POLD3: variants seen among roughly 807,000 people sequenced by gnomAD.
POLD3 encodes DNA polymerase delta 3, accessory subunit, also known as DNA polymerase delta subunit 3.
A neutral mutation model predicts 58.2 loss-of-function variants in POLD3; 19 were observed. That is an observed-to-expected ratio of 0.33 (90% CI 0.23 to 0.48). The LOEUF (loss-of-function observed/expected upper bound fraction) is 0.48, where lower values mean the gene tolerates loss of function less well. Among genes scored for constraint, POLD3 ranks in the 20% least tolerant of loss-of-function variants. POLD3 has a pLI of 0.99. For synonymous variants in POLD3, 172 were observed against 193.5 expected (o/e 0.89, Z 0.92); for missense variants, 504 against 545.5 (o/e 0.92, Z 0.76).
At chr11:74,665,391 A>ATTGTT (rs1343610341) in intron 4 of POLD3, among the ~76,000 whole-genome samples, 1 of 83,308 alleles carries the variant, frequency 1.2e-5, no homozygotes, top group Non-Finnish European at 2.1e-5. Context: ...CCCTTTTATA[A>ATTGTT]TTTTTTTTTT....
intron 4 of POLD3, among the ~76,000 whole-genome samples, chr11:74,658,946 C>A (rs1335922759): frequency 6.6e-6 from 1 of 152,206 alleles, no homozygotes; most frequent in Non-Finnish European, 1.5e-5. Flanking sequence ...CTTCTCACAG[C>A]TCCACTAGGC....
chr11:74,592,929 T>G, intron 1 of POLD3: 1 of 1,407,022 alleles, frequency 7.1e-7, no homozygotes, highest in African/African-American at 1.5e-5. Flanking sequence ...CCGCGTCCCT[T>G]GGGTGGGCGT....
intron 9 of POLD3, among the ~76,000 whole-genome samples, chr11:74,631,992 C>G (rs887087885): frequency 6.6e-6 from 1 of 151,934 alleles, no homozygotes; most frequent in Admixed American, 6.6e-5. Context: ...ACTATATACT[C>G]TCTTTTTAAA....
At chr11:74,661,694 C>G (rs1352961233) in intron 4 of POLD3, among the ~76,000 whole-genome samples, 1 of 152,194 alleles carries the variant, frequency 6.6e-6, no homozygotes. Context: ...CTAGCTTTCA[C>G]CTATGTTCAC....
chr11:74,631,972 C>T (rs563016229), intron 9 of POLD3, among the ~76,000 whole-genome samples: 1 of 152,160 alleles, frequency 6.6e-6, no homozygotes, highest in East Asian at 1.9e-4. Flanking sequence ...GGGTCATAAG[C>T]ACCTGTAGTA....
At chr11:74,652,376 T>C (rs1438576028) in intron 4 of POLD3, among the ~76,000 whole-genome samples, 1 of 152,228 alleles carries the variant, frequency 6.6e-6, no homozygotes, top group Admixed American at 6.5e-5. Flanking sequence ...TCATACATAT[T>C]GCCAACTTGT....
intron 7 of POLD3, among the ~76,000 whole-genome samples, chr11:74,622,958 A>G (rs1383757148): frequency 6.6e-6 from 1 of 152,248 alleles, no homozygotes; most frequent in Non-Finnish European, 1.5e-5. Flanking sequence ...TGATGAATGG[A>G]TAAACAAAGG....
In POLD3 at chr11:74,592,631, TAG is replaced by T; in HGVS notation, c.-25_-24del. 1 of 1,595,326 alleles carries T rather than the reference TAG, an allele frequency of 6.3e-7. No homozygotes were observed. The highest frequency in any genetic ancestry group is 1.7e-5 in the Admixed American group (1 of 57,906). Reference sequence around the variant, plus strand: ...CTGTGGCTGTGATTGAGAGAGGGGTTAGAGGCGGGTCCCAGCGCTGCCGCACC... The same window carrying T: ...CTGTGGCTGTGATTGAGAGAGGGGTTAGGCGGGTCCCAGCGCTGCCGCACC... On this transcript the variant is annotated 5_prime_UTR_variant, in exon 1 of 12. Coordinates refer to ENST00000263681, the MANE Select transcript of POLD3 (RefSeq NM_006591.3).
intron 10 of POLD3, 113 bp downstream of exon 10, chr11:74,634,808 G>A (rs570155794): frequency 1.9e-5 from 13 of 669,024 alleles, no homozygotes; most frequent in Non-Finnish European, 3.0e-5. Context: ...GCCAGTAGAT[G>A]GCTCTTGTCT....
At chr11:74,669,151 A>T (rs2033309762), downstream of POLD3, 1 of 188,286 alleles carries the variant, frequency 5.3e-6, no homozygotes, top group South Asian at 9.5e-5. Context: ...TCAGTGCCTC[A>T]GTTTCCTCCC....
chr11:74,640,331 G>A (rs2032876390), intron 11 of POLD3, among the ~76,000 whole-genome samples: 3 of 152,204 alleles, frequency 2.0e-5, no homozygotes, highest in African/African-American at 7.2e-5. Context: ...CTGTGAGGGA[G>A]AAAAGTGAAC....
At chr11:74,661,359 G>A (rs1180930839) in intron 4 of POLD3, among the ~76,000 whole-genome samples, 2 of 152,166 alleles carry the variant, frequency 1.3e-5, no homozygotes, top group Non-Finnish European at 2.9e-5. Context: ...TCAGGTATTC[G>A]AAGGGACTTC....
At chr11:74,664,165 A>G (rs1490564650) in intron 4 of POLD3, among the ~76,000 whole-genome samples, 1 of 152,244 alleles carries the variant, frequency 6.6e-6, no homozygotes, top group African/African-American at 2.4e-5. Flanking sequence ...AATGTAAGCA[A>G]AAGTCTCATA....
Position 74,629,274 on chromosome 11 carries a change from A to G in POLD3, c.957A>G (p.Lys319=), listed in dbSNP as rs778525318. Residue 319 remains lysine (K), a synonymous_variant, in exon 9 of 12, where the codon AAA becomes AAG. Coordinates refer to ENST00000263681, the MANE Select transcript of POLD3 (RefSeq NM_006591.3). ...DETKETENMR[K]KRRRIKLPES... ...CAAAGGAAACTGAAAACATGAGGAA[A>G]AAGAGGAGAAGAATCAAACTTCCTG... is the stretch of plus-strand genomic sequence containing the variant. 1.2e-6 allele frequency: 2 copies of G among 1,610,060 alleles called. No homozygotes were observed. The highest frequency in any genetic ancestry group is 3.4e-5 in the Admixed American group (2 of 59,692).
chr11:74,629,383 G>A (rs2032524318), intron 9 of POLD3, 60 bp downstream of exon 9: 1 of 894,782 alleles, frequency 1.1e-6, no homozygotes, highest in African/African-American at 1.7e-5. Flanking sequence ...TGTTCAAGGA[G>A]CTAAAAAAGT....
chr11:74,637,160 T>G (rs7112384), intron 11 of POLD3, among the ~76,000 whole-genome samples: 18,627 of 152,122 alleles, frequency 0.12, 1,435 homozygotes, highest in African/African-American at 0.22. Context: ...ACTGATTTTT[T>G]TTTTTCCTAG....
downstream of POLD3, among the ~76,000 whole-genome samples, chr11:74,645,739 A>G (rs1222641523): frequency 1.3e-5 from 2 of 152,210 alleles, no homozygotes; most frequent in Non-Finnish European, 2.9e-5. Flanking sequence ...TCCTCATAGC[A>G]GCCCTGTGAG....
chr11:74,592,919 C>G lies in POLD3; in HGVS notation c.60+201C>G, dbSNP rs1007509336. On this transcript the variant is annotated intron_variant, in intron 1 of 11. Coordinates refer to ENST00000263681, the MANE Select transcript of POLD3 (RefSeq NM_006591.3). ...AAGGTCCTCCAGCACACACGGAAGT[C>G]CGCGTCCCTTGGGTGGGCGTGCTGG... 7.0e-6 allele frequency: 10 copies of G among 1,418,918 alleles called. No individual in the cohort carries two copies. In the African/African-American group the frequency reaches 1.3e-4, roughly 19 times the overall value. The allele number at this position is 1,418,918 out of a possible 1,614,324, so 87.9% of individuals were successfully genotyped here.
chr11:74,599,498 G>A (rs2031405747), intron 2 of POLD3, among the ~76,000 whole-genome samples: 1 of 151,746 alleles, frequency 6.6e-6, no homozygotes, highest in Non-Finnish European at 1.5e-5. Flanking sequence ...CTGAATAGTG[G>A]GGATTACAGC....
Sources: allele counts gnomAD v4.1 joint callset (sites outside exome capture counted in the v4.1 genomes callset), GRCh38; gene constraint gnomAD v4.1.1; transcripts MANE v1.5; gene names NCBI Gene and HGNC (gene_info 2026-07-23, HGNC 2026-07-21).